The following LYPD6B variants were observed in gnomAD, a reference collection of about 807,000 sequenced individuals.
LYPD6B encodes the protein ly6/PLAUR domain-containing protein 6B.
In LYPD6B, 17 loss-of-function variants were observed where a neutral mutation model predicts 22.8. The ratio of observed to expected loss-of-function variants is 0.75; its 90% CI spans 0.51 to 1.12. The LOEUF (loss-of-function observed/expected upper bound fraction) is 1.12, where lower values mean the gene tolerates loss of function less well. Among genes scored for constraint, LYPD6B ranks in the 50% most tolerant of loss-of-function variants. The probability of loss-of-function intolerance (pLI) is 0.00; values close to 1 mark genes in which losing one functional copy is unlikely to be tolerated. For synonymous variants in LYPD6B, 106 were observed against 91.6 expected, an observed-to-expected ratio of 1.16 and a Z score of -0.90; for missense variants, 221 against 258.3, an observed-to-expected ratio of 0.86 and a Z score of 0.99.
At chr2:149,112,063 AG>A (rs1686783929) in intron 1 of LYPD6B, among the ~76,000 whole-genome samples, 2 of 152,320 alleles carry the variant, frequency 1.3e-5, no homozygotes, top group South Asian at 4.1e-4. Context: ...TAAGAATGAA[AG>A]TCTGATTGGA....
intron 1 of LYPD6B, among the ~76,000 whole-genome samples, chr2:149,057,604 C>G (rs1222114231): frequency 6.6e-6 from 1 of 152,064 alleles, no homozygotes; most frequent in East Asian, 1.9e-4. Context: ...TGGCTTCTCT[C>G]TTGCAGCTCT....
At chr2:149,191,690 G>A (rs1671376084) in intron 3 of LYPD6B, among the ~76,000 whole-genome samples, 2 of 152,180 alleles carry the variant, frequency 1.3e-5, no homozygotes, top group Non-Finnish European at 2.9e-5. Context: ...AATTTACAAT[G>A]CAGCCTTTTC....
chr2:149,129,905 G>GTT (rs1304116347), intron 1 of LYPD6B, among the ~76,000 whole-genome samples: 1 of 146,330 alleles, frequency 6.8e-6, no homozygotes, highest in Admixed American at 6.9e-5. Flanking sequence ...AAGGCGTGGT[G>GTT]TCTGGGAAGG....
At chr2:149,056,303 A>G (rs1241895379) in intron 1 of LYPD6B, among the ~76,000 whole-genome samples, 2 of 152,288 alleles carry the variant, frequency 1.3e-5, no homozygotes, top group East Asian at 3.9e-4. Context: ...TGAATGAAAC[A>G]CAGGCCATGT....
rs569471154 is a variant in LYPD6B at position 149,111,779 on chromosome 2, T to A, written c.-66-19104T>A. 1.1e-4 allele frequency among the ~76,000 whole-genome samples: 17 copies of A among 152,064 alleles called. No homozygotes were observed. In the South Asian group the frequency reaches 3.3e-3, roughly 30 times the overall value. ...GTAAGTATAGATAGAGAATGAGAGATGACTAAAGATTGGGGTTGTCCAACA... is the reference window on the plus strand; with the variant it reads ...GTAAGTATAGATAGAGAATGAGAGAAGACTAAAGATTGGGGTTGTCCAACA... On this transcript the variant is annotated intron_variant, in intron 1 of 6. Transcript: ENST00000409642.
rs192895762 is a variant in LYPD6B, at chr2:149,208,329, A to G, written c.245A>G (p.Asn82Ser). 1.9e-6 allele frequency: 3 copies of G among 1,613,464 alleles called. No homozygotes were observed. Among genetic ancestry groups the G allele is most frequent in the Non-Finnish European group, 8.5e-7 (1 of 1,179,612 alleles). ...TTCTTTAAAGCTACACCATTTCCAA[A>G]TAGCTTCAAGTGCTTTACTTGTGAA... ...RPPLDPTPFPNSFKCFTCENA... is the reference protein window; with the variant it reads ...RPPLDPTPFPSSFKCFTCENA... The change falls in exon 5 of 7, where the codon AAT becomes AGT. Residue 82 changes from asparagine (N) to serine (S), a missense_variant. Physicochemically the swap from Asn to Ser is conservative, Grantham distance 46. Coordinates refer to ENST00000409642, the MANE Select transcript of LYPD6B (RefSeq NM_177964.5).
chr2:149,214,453 A>C, intron 6 of LYPD6B, 93 bp from the exon 7 acceptor site: 175 of 1,321,628 alleles, frequency 1.3e-4, no homozygotes, highest in Middle Eastern at 2.0e-4. Flanking sequence ...GTCTTCAGAT[A>C]GAGCTCAAGA....
intron 2 of LYPD6B, among the ~76,000 whole-genome samples, chr2:149,136,469 C>T (rs1000335358): frequency 2.0e-5 from 3 of 152,232 alleles, no homozygotes; most frequent in Non-Finnish European, 4.4e-5. Context: ...TACAACGCCT[C>T]ATTCCCAGAT....
At chr2:149,154,888 G>A (rs1208212067) in intron 2 of LYPD6B, among the ~76,000 whole-genome samples, 2 of 152,114 alleles carry the variant, frequency 1.3e-5, no homozygotes, top group African/African-American at 2.4e-5. Context: ...ATGGACTCGC[G>A]AAATACTCAC....
chr2:149,082,714 G>T (rs1023738300), intron 1 of LYPD6B, among the ~76,000 whole-genome samples: 13 of 152,190 alleles, frequency 8.5e-5, no homozygotes, highest in Non-Finnish European at 4.4e-5. Flanking sequence ...AATGAGTACT[G>T]AAGAACTGTG....
intron 2 of LYPD6B, among the ~76,000 whole-genome samples, chr2:149,136,052 C>T (rs548849467): frequency 1.4e-4 from 22 of 152,220 alleles, no homozygotes; most frequent in Admixed American, 1.4e-3. Flanking sequence ...CTTAAAATTA[C>T]CAGCAGTTTG....
rs372701500 is a variant in LYPD6B at position 149,047,410 on chromosome 2, G to A, written c.-67+8609G>A. ...AAAAAAAATTCAGGACTTTAAAAAT[G>A]TTGCTTCATTCTCTTCTTGTATGCC... On this transcript the variant is annotated intron_variant, in intron 1 of 6. Transcript: ENST00000409642. 3.3e-5 allele frequency among the ~76,000 whole-genome samples: 5 copies of A among 152,230 alleles called. No homozygotes were observed. The East Asian group carries it at 7.7e-4, about 23-fold the overall frequency.
chr2:149,213,406 A>G (rs994483006), intron 6 of LYPD6B, among the ~76,000 whole-genome samples: 6 of 152,186 alleles, frequency 3.9e-5, no homozygotes, highest in East Asian at 3.9e-4. Context: ...ACAAACATAA[A>G]ATGGAGACCA....
intron 1 of LYPD6B, among the ~76,000 whole-genome samples, chr2:149,049,526 G>T (rs1223742183): frequency 2.6e-5 from 4 of 152,304 alleles, no homozygotes; most frequent in Non-Finnish European, 4.4e-5. Flanking sequence ...GCTTTGGAAG[G>T]TTTCAAAACA....
chr2:149,195,666 A>G (rs1443440498), intron 3 of LYPD6B, among the ~76,000 whole-genome samples: 2 of 152,222 alleles, frequency 1.3e-5, no homozygotes, highest in Non-Finnish European at 2.9e-5. Flanking sequence ...ATTGAATTTC[A>G]GTCTTAAATC....
intron 3 of LYPD6B, among the ~76,000 whole-genome samples, chr2:149,173,652 A>G (rs1174428702): frequency 1.3e-5 from 2 of 152,180 alleles, no homozygotes; most frequent in African/African-American, 4.8e-5. Context: ...TAGGTTGTGT[A>G]TGGAACTCTA....
intron 1 of LYPD6B, among the ~76,000 whole-genome samples, chr2:149,047,825 T>A (rs752217595): frequency 6.6e-6 from 1 of 152,174 alleles, no homozygotes; most frequent in Non-Finnish European, 1.5e-5. Context: ...TTTATTCATG[T>A]TTTTTCTCTT....
intron 6 of LYPD6B, 82 bp downstream of exon 6, chr2:149,213,204 T>C (rs1202838176): frequency 1.3e-6 from 2 of 1,528,838 alleles, no homozygotes; most frequent in Admixed American, 1.8e-5. Context: ...GCAGGAAGGA[T>C]AGTAATATGT....
intron 1 of LYPD6B, among the ~76,000 whole-genome samples, chr2:149,056,785 G>A (rs902955112): frequency 5.9e-5 from 9 of 152,086 alleles, no homozygotes; most frequent in South Asian, 2.1e-4. Flanking sequence ...AATATGACTC[G>A]TCTAGGATTC....
Sources: allele counts gnomAD v4.1 joint callset (sites outside exome capture counted in the v4.1 genomes callset), GRCh38; gene constraint gnomAD v4.1.1; transcripts MANE v1.5; gene names NCBI Gene and HGNC (gene_info 2026-07-23, HGNC 2026-07-21).